The following POU5F1 variants were observed in gnomAD, a reference collection of about 807,000 sequenced individuals.
POU5F1 encodes the protein POU class 5 homeobox 1, also known as POU domain, class 5, transcription factor 1.
POU5F1 carries 6 observed loss-of-function variants against 38.3 expected under a neutral mutation model. That is an observed-to-expected ratio of 0.16 (90% CI 0.09 to 0.31). POU5F1 has a LOEUF of 0.31. POU5F1 is among the 10% of genes least tolerant of loss of function. POU5F1 has a pLI of 1.00. For synonymous variants in POU5F1, 147 were observed against 194.9 expected (o/e 0.75, Z 2.05); for missense variants, 286 against 462.6 (o/e 0.62, Z 3.50).
At position 31,165,658 on chromosome 6, in the gene POU5F1, C is replaced by A; in HGVS notation, c.570G>T (p.Leu190=). 1 of 1,613,896 alleles carries A rather than the reference C, an allele frequency of 6.2e-7. No individual in the cohort carries two copies. The highest frequency in any genetic ancestry group is 8.5e-7 in the Non-Finnish European group (1 of 1,179,928). The change falls in exon 3 of 5, where the codon CTG becomes CTT. Residue 190 remains leucine, a synonymous_variant. Coordinates refer to ENST00000259915, the MANE Select transcript of POU5F1 (RefSeq NM_002701.6). This position sits in a 1 kb window ranked among gnomAD's most constrained non-coding sequence, Gnocchi z 6.5. ...TACACATGTTCTTGAAGCTAAGCTG[C>A]AGAGCCTCAAAGCGGCAGATGGTCG... ...SQTTICRFEA[L]QLSFKNMCKL...
rs1255836709 is a variant in POU5F1, at chr6:31,165,558, C to T, written c.657+13G>A. The T allele has an allele frequency of 1.2e-6, 2 of 1,613,518 alleles. No individual in the cohort carries two copies. The highest frequency in any genetic ancestry group is 1.7e-6 in the Non-Finnish European group (2 of 1,180,034). On this transcript the variant is annotated intron_variant, in intron 3 of 4. Transcript: ENST00000259915. This position sits in a 1 kb window ranked among gnomAD's most constrained non-coding sequence, Gnocchi z 6.5. ...AAAGGGAAGGTCCCCGGGTATCCCC[C>T]TCCCACCCTTACCTCCTGAAGATTT...
At chr6:31,169,659 C>T (rs956902611) in intron 1 of POU5F1, among the ~76,000 whole-genome samples, 2 of 152,134 alleles carry the variant, frequency 1.3e-5, no homozygotes, top group African/African-American at 4.8e-5. Context: ...GCTCACAACG[C>T]GCACACACAC....
intron 1 of POU5F1, chr6:31,166,933 T>A: frequency 8.6e-7 from 1 of 1,169,408 alleles, no homozygotes; most frequent in East Asian, 3.8e-5. Context: ...TAAAGTGCTT[T>A]GTGTGTACTT....
In POU5F1 at chr6:31,164,661, C is replaced by T; in HGVS notation, c.1023G>A (p.Glu341=). 1.9e-6 allele frequency: 3 copies of T among 1,586,632 alleles called. No homozygotes were observed. The highest frequency in any genetic ancestry group is 2.6e-6 in the Non-Finnish European group (3 of 1,166,588). Residue 341 remains glutamate (E), a synonymous_variant, in exon 5 of 5, where the codon GAG becomes GAA. Transcript: ENST00000259915. ...TALYSSVPFP[E]GEAFPPVSVT... ...CGGAGACAGGGGGAAAGGCTTCCCC[C>T]TCAGGGAAAGGGACCGAGGAGTACA...
rs1043539231 is a variant in POU5F1 at position 31,170,142 on chromosome 6, G to A, written c.405+74C>T. The A allele has an allele frequency of 3.7e-5, 60 of 1,609,716 alleles. No homozygotes were observed. In the African/African-American group the frequency reaches 7.2e-4, roughly 19 times the overall value. ...TGGGTGCCAGGTCTGGGCAGCTGCAGGTGACCACTTCCCCATCAGGCTGCC... is the reference window on the plus strand; with the variant it reads ...TGGGTGCCAGGTCTGGGCAGCTGCAAGTGACCACTTCCCCATCAGGCTGCC... On this transcript the variant is annotated intron_variant, in intron 1 of 4. Transcript: ENST00000259915.
In POU5F1 at chr6:31,165,095, GA is replaced by G; in HGVS notation, c.816+32del. 1 of 1,597,766 alleles carries G rather than the reference GA, an allele frequency of 6.3e-7. No homozygotes were observed. The highest frequency in any genetic ancestry group is 8.5e-7 in the Non-Finnish European group (1 of 1,172,520). On this transcript the variant is annotated intron_variant, in intron 4 of 4. Transcript: ENST00000259915. The surrounding 1 kb of genome is among the most constrained non-coding windows in gnomAD (Gnocchi z 6.5). ...GAAAGCGAGGTGGTGACAGGGGAAA[GA>G]GATGGAGCCCGCAGAGAGACATGGC...
chr6:31,168,373 T>C (rs1197597923), intron 1 of POU5F1, among the ~76,000 whole-genome samples: 2 of 152,036 alleles, frequency 1.3e-5, no homozygotes, highest in African/African-American at 4.8e-5. Context: ...GTAGCTGAGA[T>C]TACAGGCATG....
In POU5F1 at chr6:31,165,473, C is replaced by G. The variant is rs1446066189; in HGVS notation, c.657+98G>C. ...AATTTCACTCCATCCCACTGAGAAC[C>G]ACTGCACCAAAGACGGAGAGCTACG... On this transcript the variant is annotated intron_variant, in intron 3 of 4. Transcript: ENST00000259915. This position sits in a 1 kb window ranked among gnomAD's most constrained non-coding sequence, Gnocchi z 6.5. The G allele has an allele frequency of 1.3e-6, 2 of 1,598,916 alleles. No individual in the cohort carries two copies. Among genetic ancestry groups the G allele is most frequent in the African/African-American group, 2.7e-5 (2 of 74,572 alleles).
Position 31,165,082 on chromosome 6 carries a change from G to A in POU5F1, c.816+46C>T. The stretch of plus-strand genomic sequence containing the variant: ...AGCCAGAGCTAGGGAAAGCGAGGTG[G>A]TGACAGGGGAAAGAGATGGAGCCCG... On this transcript the variant is annotated intron_variant, in intron 4 of 4. Transcript: ENST00000259915. This position sits in a 1 kb window ranked among gnomAD's most constrained non-coding sequence, Gnocchi z 6.5. The A allele has an allele frequency of 6.3e-7, 1 of 1,590,358 alleles. No homozygotes were observed. The highest frequency in any genetic ancestry group is 8.6e-7 in the Non-Finnish European group (1 of 1,168,816).
Position 31,166,435 on chromosome 6 carries a change from C to T in POU5F1, c.406-388G>A, listed in dbSNP as rs1460740055. ...CAGCACTTTGGGAGGCCGAGGTGGGCAGATCACGAGGTCAGGAGTTCAAGA... is the reference window on the plus strand; with the variant it reads ...CAGCACTTTGGGAGGCCGAGGTGGGTAGATCACGAGGTCAGGAGTTCAAGA... On this transcript the variant is annotated intron_variant, in intron 1 of 4. Coordinates refer to ENST00000259915, the MANE Select transcript of POU5F1 (RefSeq NM_002701.6). The T allele has an allele frequency of 4.4e-6, 6 of 1,357,252 alleles. No homozygotes were observed. In the African/African-American group the frequency reaches 5.8e-5, roughly 13 times the overall value. 84.1% of individuals were successfully genotyped at this position (1,357,252 alleles called of 1,614,324 possible).
intron 1 of POU5F1, among the ~76,000 whole-genome samples, chr6:31,167,722 A>AT (rs1437467259): frequency 1.3e-5 from 2 of 151,850 alleles, no homozygotes; most frequent in African/African-American, 4.8e-5. Context: ...ATTAAAAAAA[A>AT]AATAAAGCAG....
At chr6:31,166,942 T>TCAC in intron 1 of POU5F1, 4 of 930,714 alleles carry the variant, frequency 4.3e-6, no homozygotes, top group Non-Finnish European at 5.6e-6. Flanking sequence ...TTGTGTGTAC[T>TCAC]TACTCATTTT....
intron 1 of POU5F1, chr6:31,169,929 A>C: frequency 1.9e-6 from 1 of 524,900 alleles, no homozygotes; most frequent in South Asian, 2.3e-5. Flanking sequence ...GACCCTGACA[A>C]GGGCTGGGCC....
In POU5F1 at chr6:31,164,467, C is replaced by T. The variant is rs896681857; in HGVS notation, c.*134G>A. 2 of 1,265,370 alleles carry T rather than the reference C, an allele frequency of 1.6e-6. No individual in the cohort carries two copies. Among genetic ancestry groups the T allele is most frequent in the African/African-American group, 3.0e-5 (2 of 66,396 alleles). The allele number at this position is 1,265,370 out of a possible 1,614,324, so 78.4% of individuals were successfully genotyped here. On this transcript the variant is annotated 3_prime_UTR_variant, in exon 5 of 5. Coordinates refer to ENST00000259915, the MANE Select transcript of POU5F1 (RefSeq NM_002701.6). ...ACCAGTTGCCCCAAACTCCCCTGCC[C>T]CCACCCTTTGTGTTCCCAATTCCTT...
In POU5F1 at chr6:31,170,620, TG is replaced by T. The variant is rs1158140090; in HGVS notation, c.-1del. On this transcript the variant is annotated 5_prime_UTR_variant, in exon 1 of 5. Transcript: ENST00000259915. ...AAATCCGAAGCCAGGTGTCCCGCCA[TG>T]GGGAAGGAAGGCGCCCCAAGCCGGG... is the stretch of plus-strand genomic sequence containing the variant. The T allele has an allele frequency of 6.4e-6, 10 of 1,552,862 alleles. 1 individual carries two copies. The East Asian group carries it at 9.5e-5, about 15-fold the overall frequency.
chr6:31,168,768 G>A (rs181077382), intron 1 of POU5F1, among the ~76,000 whole-genome samples: 4 of 152,288 alleles, frequency 2.6e-5, no homozygotes, highest in Non-Finnish European at 4.4e-5. Context: ...GACAGAAAAC[G>A]CGGTAGTCAT....
rs758629425 is a variant in POU5F1 at position 31,170,423 on chromosome 6, C to T, written c.198G>A (p.Pro66=). ...EVWGIPPCPP[P]YEFCGGMAYC... is the part of the protein sequence containing the mutation. The stretch of plus-strand genomic sequence containing the variant: ...ACGCCATCCCCCCACAGAACTCATA[C>T]GGCGGGGGGCATGGGGGAATCCCCC... The change falls in exon 1 of 5, where the codon CCG becomes CCA. Residue 66 remains proline, a synonymous_variant. Transcript: ENST00000259915. The T allele has an allele frequency of 1.3e-5, 21 of 1,612,056 alleles. No individual in the cohort carries two copies. Among genetic ancestry groups the T allele is most frequent in the African/African-American group, 1.1e-4 (8 of 75,034 alleles).
Position 31,170,681 on chromosome 6 carries a change from T to C in POU5F1, c.-61A>G, listed in dbSNP as rs1479440930. On this transcript the variant is annotated 5_prime_UTR_variant, in exon 1 of 5. Coordinates refer to ENST00000259915, the MANE Select transcript of POU5F1 (RefSeq NM_002701.6). ...AAATGAGGGCTTGCGAAGGGACTAC[T>C]CAACCCCTCTCTCCCTCCCCAGTCC... 6.7e-7 allele frequency: 1 copy of C among 1,486,126 alleles called. No individual in the cohort carries two copies. Among genetic ancestry groups the C allele is most frequent in the African/African-American group, 1.4e-5 (1 of 71,148 alleles). 92.1% of individuals were successfully genotyped at this position (1,486,126 alleles called of 1,614,324 possible).
rs879167087 is a variant in POU5F1 at position 31,165,800 on chromosome 6, A to AGAGCCC, written c.527-100_527-99insGGGCTC. 1 of 1,557,116 alleles carries AGAGCCC rather than the reference A, an allele frequency of 6.4e-7. No individual in the cohort carries two copies. Among genetic ancestry groups the AGAGCCC allele is most frequent in the African/African-American group, 1.4e-5 (1 of 73,068 alleles). ...TACCACCTCTTCCCAGAGGGAGCTC[A>AGAGCCC]AAGCATCTTCTCCCTCTCCCTACTC... is the stretch of plus-strand genomic sequence containing the variant. On this transcript the variant is annotated intron_variant, in intron 2 of 4. Transcript: ENST00000259915. The surrounding 1 kb of genome is among the most constrained non-coding windows in gnomAD (Gnocchi z 6.5).
Sources: allele counts gnomAD v4.1 joint callset (sites outside exome capture counted in the v4.1 genomes callset), GRCh38; gene constraint gnomAD v4.1.1; non-coding constraint Gnocchi (gnomAD v3.1); transcripts MANE v1.5; gene names NCBI Gene and HGNC (gene_info 2026-07-23, HGNC 2026-07-21).